Variants in DGKB observed in about 807,000 individuals in gnomAD.
The protein encoded by DGKB is diacylglycerol kinase beta.
DGKB carries 67 observed loss-of-function variants against 114.3 expected under a neutral mutation model. That is an observed-to-expected ratio of 0.59 (90% CI 0.48 to 0.72). The LOEUF (loss-of-function observed/expected upper bound fraction) is 0.72. Ranked by LOEUF, DGKB falls within the 30% of genes least tolerant of loss-of-function variation. The pLI, the probability that DGKB is intolerant of heterozygous loss-of-function variation, is 0.00. For synonymous variants in DGKB, 398 were observed against 323.1 expected, an observed-to-expected ratio of 1.23 and a Z score of -2.49; for missense variants, 907 against 975.2, an observed-to-expected ratio of 0.93 and a Z score of 0.93.
intron 13 of DGKB, among the ~76,000 whole-genome samples, chr7:14,658,463 G>T (rs1364960756): frequency 6.6e-6 from 1 of 151,850 alleles, no homozygotes; most frequent in Non-Finnish European, 1.5e-5. Flanking sequence ...TTGGTTAATG[G>T]ATACAAACAC....
chr7:14,823,833 A>C (rs185837606), intron 2 of DGKB, among the ~76,000 whole-genome samples: 6 of 152,288 alleles, frequency 3.9e-5, no homozygotes, highest in Admixed American at 2.6e-4. Context: ...CTTGCCTACT[A>C]ATCTATATTA....
intron 21 of DGKB, among the ~76,000 whole-genome samples, chr7:14,399,580 A>C (rs1822773951): frequency 6.6e-6 from 1 of 151,878 alleles, no homozygotes; most frequent in Non-Finnish European, 1.5e-5. Flanking sequence ...AAAAATGTGA[A>C]TTGATTACTA....
intron 5 of DGKB, among the ~76,000 whole-genome samples, chr7:14,725,923 T>G (rs1407015283): frequency 6.6e-6 from 1 of 152,160 alleles, no homozygotes; most frequent in Non-Finnish European, 1.5e-5. Context: ...TGAATAATGG[T>G]AATGACTGGC....
intron 21 of DGKB, among the ~76,000 whole-genome samples, chr7:14,458,789 C>T (rs1015416394): frequency 6.6e-6 from 1 of 152,124 alleles, no homozygotes; most frequent in African/African-American, 2.4e-5. Flanking sequence ...TTTGGGCAGA[C>T]AACGAGCTAG....
rs78143443 is a variant in DGKB at position 14,242,268 on chromosome 7, G to A, written c.2123-64117C>T. On this transcript the variant is annotated intron_variant, in intron 23 of 25. Coordinates refer to ENST00000402815, the MANE Select transcript of DGKB (RefSeq NM_001350709.2). ...TGAATTACTGGAGCAGGGTGTATGC[G>A]AGGTTGGATAAATCAGCCAAACCGA... 7.2e-4 allele frequency among the ~76,000 whole-genome samples: 110 copies of A among 152,194 alleles called. 2 individuals are homozygous for A. In the East Asian group the frequency reaches 0.02, roughly 27 times the overall value.
At chr7:14,250,364 G>A (rs1284111082) in intron 23 of DGKB, among the ~76,000 whole-genome samples, 2 of 151,818 alleles carry the variant, frequency 1.3e-5, no homozygotes, top group Non-Finnish European at 2.9e-5. Flanking sequence ...ATTTTTATTT[G>A]TCTCAATATA....
intron 1 of DGKB, among the ~76,000 whole-genome samples, chr7:14,961,032 A>C (rs1410867798): frequency 6.6e-6 from 1 of 152,104 alleles, no homozygotes; most frequent in Non-Finnish European, 1.5e-5. Flanking sequence ...GCTCACTAAA[A>C]ATCACTGACA....
chr7:14,507,259 T>C (rs1479235256), intron 20 of DGKB, among the ~76,000 whole-genome samples: 1 of 152,196 alleles, frequency 6.6e-6, no homozygotes, highest in Admixed American at 6.5e-5. Flanking sequence ...ATGCTTTTTA[T>C]GGCAATTCAG....
chr7:14,959,073 G>T (rs1786688405), intron 1 of DGKB, among the ~76,000 whole-genome samples: 1 of 152,042 alleles, frequency 6.6e-6, no homozygotes, highest in Admixed American at 6.6e-5. Flanking sequence ...TTTTATTGTT[G>T]TATAGATCAA....
intron 1 of DGKB, among the ~76,000 whole-genome samples, chr7:14,942,221 T>A (rs1785606319): frequency 6.6e-6 from 1 of 151,934 alleles, no homozygotes; most frequent in African/African-American, 2.4e-5. Context: ...ATCTGACTAT[T>A]GCTAATGACT....
At chr7:14,187,258 C>T (rs1783580519) in intron 23 of DGKB, among the ~76,000 whole-genome samples, 1 of 152,180 alleles carries the variant, frequency 6.6e-6, no homozygotes, top group Non-Finnish European at 1.5e-5. Flanking sequence ...CCCTGCTGTA[C>T]TCACATGCAC....
At chr7:14,187,451 T>C (rs1226055976) in intron 23 of DGKB, among the ~76,000 whole-genome samples, 2 of 152,128 alleles carry the variant, frequency 1.3e-5, no homozygotes, top group African/African-American at 2.4e-5. Flanking sequence ...TCATGCTTGG[T>C]CCAACAGCTG....
At chr7:14,493,576 G>A (rs1784882508) in intron 20 of DGKB, among the ~76,000 whole-genome samples, 1 of 151,956 alleles carries the variant, frequency 6.6e-6, no homozygotes. Flanking sequence ...CACTGTGAAT[G>A]TAGCATTAGG....
At chr7:14,897,643 G>T (rs1200463528) in intron 1 of DGKB, among the ~76,000 whole-genome samples, 2 of 151,790 alleles carry the variant, frequency 1.3e-5, no homozygotes, top group East Asian at 3.9e-4. Context: ...TTGTGATATG[G>T]AAATAAATAT....
intron 21 of DGKB, among the ~76,000 whole-genome samples, chr7:14,371,035 T>C (rs1293116040): frequency 6.6e-6 from 1 of 152,172 alleles, no homozygotes; most frequent in East Asian, 1.9e-4. Flanking sequence ...TTGGCATATA[T>C]ATATATAACA....
chr7:14,818,824 A>G (rs185213536), intron 2 of DGKB, among the ~76,000 whole-genome samples: 34 of 152,266 alleles, frequency 2.2e-4, no homozygotes, highest in East Asian at 1.9e-3. Context: ...AATTCTACAT[A>G]TTAGGGGTGG....
intron 1 of DGKB, among the ~76,000 whole-genome samples, chr7:14,916,845 T>C (rs1784261581): frequency 6.6e-6 from 1 of 152,060 alleles, no homozygotes; most frequent in Admixed American, 6.5e-5. Context: ...TACACATTCT[T>C]TTCACATTCC....
intron 2 of DGKB, among the ~76,000 whole-genome samples, chr7:14,785,270 CTTA>C (rs1248723467): frequency 1.3e-5 from 2 of 151,888 alleles, no homozygotes; most frequent in East Asian, 1.9e-4. Flanking sequence ...TTTCAAGTAT[CTTA>C]TTATAAGTAT....
chr7:14,913,889 T>A (rs1278520287), intron 1 of DGKB, among the ~76,000 whole-genome samples: 1 of 152,056 alleles, frequency 6.6e-6, no homozygotes, highest in Non-Finnish European at 1.5e-5. Flanking sequence ...AGTAAACTAC[T>A]ACCCACAAAA....
Sources: allele counts gnomAD v4.1 joint callset (sites outside exome capture counted in the v4.1 genomes callset), GRCh38; gene constraint gnomAD v4.1.1; transcripts MANE v1.5; gene names NCBI Gene and HGNC (gene_info 2026-07-23, HGNC 2026-07-21).